Variants in SLC7A7 observed in about 807,000 individuals in gnomAD.
SLC7A7 encodes the protein solute carrier family 7 member 7, also known as Y+L amino acid transporter 1.
Under a neutral mutation model 47.9 loss-of-function variants are expected in SLC7A7, and 39 were observed. That is an observed-to-expected ratio of 0.81 (90% CI 0.63 to 1.06). SLC7A7 has a LOEUF of 1.06. Among genes scored for constraint, SLC7A7 ranks in the 50% least tolerant of loss-of-function variants. The pLI, the probability that SLC7A7 is intolerant of heterozygous loss-of-function variation, is 0.00. For synonymous variants in SLC7A7, 234 were observed against 242.8 expected (o/e 0.96, Z 0.34); for missense variants, 588 against 632.0 (o/e 0.93, Z 0.75).
intron 2 of SLC7A7, among the ~76,000 whole-genome samples, chr14:22,786,269 G>C (rs1001555719): frequency 6.6e-6 from 1 of 152,064 alleles, no homozygotes; most frequent in Non-Finnish European, 1.5e-5. Flanking sequence ...AGTGGGCCGA[G>C]ATCACGGCAC....
Position 22,812,773 on chromosome 14 carries a change from C to CTATATATATATATA in SLC7A7, c.499+113_499+126dup, listed in dbSNP as rs58930730. The CTATATATATATATA allele has an allele frequency of 1.2e-3, 510 of 439,464 alleles. 21 individuals are homozygous for CTATATATATATATA. The highest frequency in any genetic ancestry group is 0.01 in the African/African-American group (402 of 39,340). The allele number at this position is 439,464 out of a possible 1,614,324, so 27.2% of individuals were successfully genotyped here. A position where few individuals can be genotyped will look rare whatever the true frequency, so the allele number is the denominator to read the frequency against. ...AATTTTCACACAAAGCATACTTTAA[C>CTATATATATATATA]TATATATATATATATATATGTTGTC... On this transcript the variant is annotated intron_variant, in intron 2 of 9. Transcript: ENST00000674313.
Position 22,774,408 on chromosome 14 carries a change from A to T in SLC7A7, c.1191T>A (p.Ile397=), listed in dbSNP as rs753225466. ...TCCAGCGCAGATAAAGCTGACCCAC[A>T]ATAGAAAGCCCCACAAAGAACCAGT... ...FSYWFFVGLS[I]VGQLYLRWKE... is the part of the protein sequence containing the mutation. Residue 397 remains isoleucine (I), a synonymous_variant, in exon 8 of 10, where the codon ATT becomes ATA. Transcript: ENST00000674313. The T allele has an allele frequency of 6.2e-7, 1 of 1,614,130 alleles. No homozygotes were observed. Among genetic ancestry groups the T allele is most frequent in the South Asian group, 1.1e-5 (1 of 91,080 alleles).
intron 2 of SLC7A7, among the ~76,000 whole-genome samples, chr14:22,806,345 G>A (rs938713768): frequency 9.9e-5 from 15 of 151,286 alleles, no homozygotes; most frequent in Non-Finnish European, 1.6e-4. Context: ...ACAGGTGCCC[G>A]CCATCATGCC....
intron 2 of SLC7A7, among the ~76,000 whole-genome samples, chr14:22,787,995 C>T (rs930336216): frequency 2.0e-5 from 3 of 151,812 alleles, no homozygotes; most frequent in Non-Finnish European, 4.4e-5. Flanking sequence ...ATGGCGTGAA[C>T]CCGGGAGGCG....
At chr14:22,798,216 G>T (rs925158343) in intron 2 of SLC7A7, among the ~76,000 whole-genome samples, 3 of 152,128 alleles carry the variant, frequency 2.0e-5, no homozygotes, top group African/African-American at 7.2e-5. Flanking sequence ...AGAATCGCTT[G>T]AACCCAGGAG....
intron 2 of SLC7A7, among the ~76,000 whole-genome samples, chr14:22,784,975 C>G (rs982528872): frequency 6.6e-6 from 1 of 152,172 alleles, no homozygotes; most frequent in African/African-American, 2.4e-5. Flanking sequence ...CGGCGTCATT[C>G]CATTTTAAAA....
At chr14:22,785,895 G>A (rs112645192) in intron 2 of SLC7A7, among the ~76,000 whole-genome samples, 47,885 of 151,268 alleles carry the variant, frequency 0.32, 7,856 homozygotes, top group African/African-American at 0.4. Flanking sequence ...GGTGGCAGGC[G>A]CCTATAGTCC....
At chr14:22,817,129 ATT>A (rs1368748283), upstream of SLC7A7, 19 of 100,428 alleles carry the variant, frequency 1.9e-4, no homozygotes, top group African/African-American at 5.6e-4. Flanking sequence ...CCTTCCTTTT[ATT>A]TTTTTTTTTT....
chr14:22,783,411 T>A (rs1263690235), intron 2 of SLC7A7, among the ~76,000 whole-genome samples: 1 of 146,250 alleles, frequency 6.8e-6, no homozygotes, highest in African/African-American at 2.5e-5. Context: ...CTTCTTTTTT[T>A]TTTTTTTTCG....
chr14:22,806,159 A>G (rs1156923399), intron 2 of SLC7A7, among the ~76,000 whole-genome samples: 2 of 147,582 alleles, frequency 1.4e-5, no homozygotes, highest in African/African-American at 5.0e-5. Flanking sequence ...ACATCAGTAA[A>G]CTGACATTAT....
rs897743893 is a variant in SLC7A7, at chr14:22,784,562, G to C, written c.500-4511C>G. Among the ~76,000 whole-genome samples the C allele has an allele frequency of 2.6e-5, 4 of 151,692 alleles. No homozygotes were observed. The East Asian group carries it at 5.8e-4, about 22-fold the overall frequency. On this transcript the variant is annotated intron_variant, in intron 2 of 9. Coordinates refer to ENST00000674313, the MANE Select transcript of SLC7A7 (RefSeq NM_003982.4). Reference sequence around the variant, plus strand: ...GAACCCAGGAGGCGGAGGATGCAGTGAGCCAAGATCACACCACTGCACTCC... The same window carrying C: ...GAACCCAGGAGGCGGAGGATGCAGTCAGCCAAGATCACACCACTGCACTCC...
At chr14:22,784,346 G>A (rs563427703) in intron 2 of SLC7A7, among the ~76,000 whole-genome samples, 6 of 152,020 alleles carry the variant, frequency 3.9e-5, no homozygotes, top group Non-Finnish European at 8.8e-5. Context: ...GTGGCCGGGT[G>A]CAGTGGCTCA....
chr14:22,787,729 C>G (rs2038842980), intron 2 of SLC7A7, among the ~76,000 whole-genome samples: 1 of 151,828 alleles, frequency 6.6e-6, no homozygotes, highest in Non-Finnish European at 1.5e-5. Flanking sequence ...GCACTCCAGC[C>G]TAGGTGACAG....
chr14:22,799,186 C>A (rs1310980410), intron 2 of SLC7A7, among the ~76,000 whole-genome samples: 1 of 152,184 alleles, frequency 6.6e-6, no homozygotes, highest in Non-Finnish European at 1.5e-5. Flanking sequence ...TATACTCAAT[C>A]TTTACCTAGC....
At chr14:22,775,786 G>T in intron 6 of SLC7A7, 47 bp downstream of exon 6, 1 of 1,345,404 alleles carries the variant, frequency 7.4e-7, no homozygotes, top group Non-Finnish European at 1.1e-6. Flanking sequence ...TCTGTCCACT[G>T]CATAGCCCTT....
In SLC7A7 at chr14:22,778,940, G is replaced by A. The variant is rs1594948318; in HGVS notation, c.626-3C>T. The A allele has an allele frequency of 2.5e-6, 4 of 1,613,774 alleles. No homozygotes were observed. In the African/African-American group the frequency reaches 4.0e-5, roughly 16 times the overall value. ...ATTCTCAAAATGAGTAGAGGCTCCT[G>A]GAACCCAAGAACATTGGAAGGCAGG... On this transcript the variant is annotated splice_region_variant and splice_polypyrimidine_tract_variant and intron_variant, in intron 3 of 9. Coordinates refer to ENST00000674313, the MANE Select transcript of SLC7A7 (RefSeq NM_003982.4).
chr14:22,815,895 G>C (rs532707439), upstream of SLC7A7: 4 of 352,076 alleles, frequency 1.1e-5, no homozygotes, highest in African/African-American at 2.1e-5. Context: ...CCCATGCTGA[G>C]ATTACAGGAA....
intron 7 of SLC7A7, 56 bp downstream of exon 7, chr14:22,775,388 G>A (rs1454177509): frequency 7.5e-7 from 1 of 1,341,812 alleles, no homozygotes; most frequent in African/African-American, 1.4e-5. Context: ...CGCTTCTGCT[G>A]TTACTAAAGT....
At chr14:22,813,560 AC>A in intron 1 of SLC7A7, 120 bp from the exon 2 acceptor site, 1 of 767,090 alleles carries the variant, frequency 1.3e-6, no homozygotes, top group South Asian at 1.5e-5. Flanking sequence ...CCTCCAAATA[AC>A]CTTTTCTCCA....
Sources: allele counts gnomAD v4.1 joint callset (sites outside exome capture counted in the v4.1 genomes callset), GRCh38; gene constraint gnomAD v4.1.1; transcripts MANE v1.5; gene names NCBI Gene and HGNC (gene_info 2026-07-23, HGNC 2026-07-21).